The following REDIC1 variants were observed in gnomAD, a reference collection of about 807,000 sequenced individuals.
REDIC1 encodes HEI10 Interacting Protein 1.
the REDIC1 span, among the ~76,000 whole-genome samples, chr12:39,725,760 A>G: frequency 6.6e-6 from 1 of 151,378 alleles, no homozygotes; most frequent in Non-Finnish European, 1.5e-5. Flanking sequence ...ATATATAATA[A>G]CCTATGTATA....
At chr12:39,742,654 A>G in the REDIC1 span, among the ~76,000 whole-genome samples, 6 of 152,072 alleles carry the variant, frequency 3.9e-5, no homozygotes, top group Non-Finnish European at 7.4e-5. Context: ...ATCACGTAAA[A>G]AAGTGTTGTG....
At chr12:39,711,326 A>C in the REDIC1 span, among the ~76,000 whole-genome samples, 15 of 148,118 alleles carry the variant, frequency 1.0e-4, no homozygotes, top group Non-Finnish European at 1.3e-4. Flanking sequence ...CCATATATGT[A>C]TAGATCACAT....
the REDIC1 span, among the ~76,000 whole-genome samples, chr12:39,713,704 T>C: frequency 2.1e-5 from 3 of 145,174 alleles, no homozygotes; most frequent in Admixed American, 6.9e-5. Context: ...CGTATATACA[T>C]ATTTATGTAT....
the REDIC1 span, among the ~76,000 whole-genome samples, chr12:39,819,546 A>G: frequency 6.6e-5 from 10 of 152,166 alleles, no homozygotes; most frequent in African/African-American, 2.4e-4. Context: ...ACATTCTACA[A>G]TAAATTTTTC....
the REDIC1 span, among the ~76,000 whole-genome samples, chr12:39,708,181 A>T: frequency 6.6e-6 from 1 of 151,826 alleles, no homozygotes; most frequent in Non-Finnish European, 1.5e-5. Context: ...ATGATTTGTA[A>T]CCCAAAGAAT....
chr12:39,801,511 A>G, the REDIC1 span, among the ~76,000 whole-genome samples: 1 of 152,188 alleles, frequency 6.6e-6, no homozygotes, highest in Non-Finnish European at 1.5e-5. Context: ...GCACAGAATT[A>G]AGATTCAAAT....
chr12:39,748,108 C>T, the REDIC1 span, among the ~76,000 whole-genome samples: 1 of 148,620 alleles, frequency 6.7e-6, no homozygotes, highest in African/African-American at 2.4e-5. Flanking sequence ...GGGCTAAATG[C>T]TCCAATTAAA....
At chr12:39,894,223 TAGTA>T in the REDIC1 span, among the ~76,000 whole-genome samples, 2 of 152,232 alleles carry the variant, frequency 1.3e-5, no homozygotes, top group South Asian at 4.1e-4. Context: ...AAGTTGTCCT[TAGTA>T]AGTAACATGA....
chr12:39,732,875 C>A, the REDIC1 span, among the ~76,000 whole-genome samples: 1 of 152,110 alleles, frequency 6.6e-6, no homozygotes, highest in Admixed American at 6.6e-5. Flanking sequence ...TCTGGCATGA[C>A]AAGGTGTCTG....
the REDIC1 span, among the ~76,000 whole-genome samples, chr12:39,778,381 A>ATC: frequency 2.6e-5 from 4 of 152,166 alleles, no homozygotes; most frequent in Non-Finnish European, 5.9e-5. Context: ...CTTGGGGGCC[A>ATC]GCTGTAGGGA....
chr12:39,890,864 T>C, the REDIC1 span, among the ~76,000 whole-genome samples: 39,497 of 151,886 alleles, frequency 0.26, 5,560 homozygotes, highest in East Asian at 0.6. Context: ...TATGAGAAAA[T>C]AGAACTACTC....
the REDIC1 span, among the ~76,000 whole-genome samples, chr12:39,785,561 T>A: frequency 2.6e-5 from 4 of 152,138 alleles, no homozygotes; most frequent in African/African-American, 9.7e-5. Flanking sequence ...GAGTCCCTAC[T>A]GGGGCACTGC....
chr12:39,696,939 C>T, the REDIC1 span, among the ~76,000 whole-genome samples: 1 of 152,058 alleles, frequency 6.6e-6, no homozygotes, highest in African/African-American at 2.4e-5. Context: ...AGAAAATAGC[C>T]TCAAGAGGGC....
chr12:39,682,776 G>A, the REDIC1 span: 1 of 1,613,300 alleles, frequency 6.2e-7, no homozygotes, highest in Non-Finnish European at 8.5e-7. Context: ...TTGAAGATGT[G>A]AACCAGTCTA....
chr12:39,637,240 A>G, the REDIC1 span, among the ~76,000 whole-genome samples: 1 of 152,086 alleles, frequency 6.6e-6, no homozygotes, highest in Non-Finnish European at 1.5e-5. Flanking sequence ...GTTATGACCT[A>G]CCAATTTTCT....
At chr12:39,796,025 G>T in the REDIC1 span, among the ~76,000 whole-genome samples, 1 of 152,026 alleles carries the variant, frequency 6.6e-6, no homozygotes, top group African/African-American at 2.4e-5. Context: ...ACAGCCATTA[G>T]CAGTCACTCC....
chr12:39,680,468 G>GA, the REDIC1 span, among the ~76,000 whole-genome samples: 7 of 152,024 alleles, frequency 4.6e-5, no homozygotes, highest in African/African-American at 7.2e-5. Flanking sequence ...ATTAAAAAAT[G>GA]AAAAAATAAT....
the REDIC1 span, among the ~76,000 whole-genome samples, chr12:39,631,033 A>T: frequency 6.6e-6 from 1 of 152,112 alleles, no homozygotes; most frequent in East Asian, 1.9e-4. Flanking sequence ...CGATTACAGG[A>T]ACCTGCCACT....
chr12:39,786,607 A>C, the REDIC1 span, among the ~76,000 whole-genome samples: 144,533 of 152,248 alleles, frequency 0.95, 68,712 homozygotes, highest in East Asian at 1. Context: ...TGATATTCAG[A>C]CTTGGGGCTC....
Sources: gnomAD v4.1 joint callset for allele counts (sites outside exome capture counted in the v4.1 genomes callset) on GRCh38, gnomAD v4.1.1 for gene constraint, MANE v1.5 for transcripts, NCBI Gene and HGNC (gene_info 2026-07-23, HGNC 2026-07-21) for gene names.